Variants in NUMB observed in about 807,000 individuals in gnomAD.
The protein encoded by NUMB is NUMB endocytic adaptor protein, also known as protein numb homolog.
Under a neutral mutation model 59.7 loss-of-function variants are expected in NUMB, and 29 were observed. That is an observed-to-expected ratio of 0.49 (90% CI 0.36 to 0.66). The LOEUF (loss-of-function observed/expected upper bound fraction) is 0.66, where lower values mean the gene tolerates loss of function less well. Ranked by LOEUF, NUMB falls within the 30% of genes least tolerant of loss-of-function variation. The probability of loss-of-function intolerance (pLI) is 0.00; values close to 1 mark genes in which losing one functional copy is unlikely to be tolerated. For synonymous variants in NUMB, 288 were observed against 288.2 expected, an observed-to-expected ratio of 1.00 and a Z score of 0.01; for missense variants, 723 against 822.0, an observed-to-expected ratio of 0.88 and a Z score of 1.47.
chr14:73,445,088 C>T lies in NUMB; in HGVS notation c.-233+13405G>A, dbSNP rs533968957. Among the ~76,000 whole-genome samples, 35 of 152,016 alleles carry T rather than the reference C, an allele frequency of 2.3e-4. No homozygotes were observed. The South Asian group carries it at 7.1e-3, about 31-fold the overall frequency. On this transcript the variant is annotated intron_variant, in intron 1 of 12. Transcript: ENST00000555238. ...TCTAATAGGTTCCCTAGCTATATTT[C>T]ATAATTCAAAAGAATTTAGAGATTA...
chr14:73,380,477 CT>C, intron 2 of NUMB, among the ~76,000 whole-genome samples: 1 of 152,074 alleles, frequency 6.6e-6, no homozygotes, highest in Admixed American at 6.6e-5. Flanking sequence ...TAATGACAAG[CT>C]AGTTCCTACT....
Position 73,284,097 on chromosome 14 carries a change from G to T in NUMB, c.933C>A (p.Phe311Leu), listed in dbSNP as rs147275191. Residue 311 changes from phenylalanine to leucine, a missense_variant, in exon 10 of 13, where the codon TTC becomes TTA. By Grantham distance (22) the Phe-to-Leu change is conservative. Coordinates refer to ENST00000555238, the MANE Select transcript of NUMB (RefSeq NM_001005743.2). Reference sequence around the variant, plus strand: ...CTACATTACCTGCATTTTTAATGGGGAAATCAGTCTTCCTCTGCATAGTGG... The same window carrying T: ...CTACATTACCTGCATTTTTAATGGGTAAATCAGTCTTCCTCTGCATAGTGG... ...LPSTMQRKTD[F>L]PIKNAVPEVE... 6.2e-7 allele frequency: 1 copy of T among 1,613,940 alleles called. No homozygotes were observed. Among genetic ancestry groups the T allele is most frequent in the African/African-American group, 1.3e-5 (1 of 74,932 alleles).
chr14:73,324,940 C>T (rs1022818657), intron 4 of NUMB, among the ~76,000 whole-genome samples: 8 of 152,146 alleles, frequency 5.3e-5, no homozygotes, highest in African/African-American at 1.7e-4. Context: ...ACTGCAATCA[C>T]GCTCTACTAC....
intron 2 of NUMB, among the ~76,000 whole-genome samples, chr14:73,404,725 T>C (rs901701511): frequency 6.6e-6 from 1 of 152,172 alleles, no homozygotes; most frequent in Non-Finnish European, 1.5e-5. Flanking sequence ...TAGGACTTCA[T>C]TTTCATATTT....
intron 1 of NUMB, among the ~76,000 whole-genome samples, chr14:73,420,990 T>A (rs1232961557): frequency 3.3e-5 from 5 of 151,992 alleles, no homozygotes; most frequent in African/African-American, 1.2e-4. Context: ...GGAAAAAAAA[T>A]CTATCTTTAG....
chr14:73,348,669 C>T (rs1252226884), intron 4 of NUMB, among the ~76,000 whole-genome samples: 1 of 152,214 alleles, frequency 6.6e-6, no homozygotes, highest in Non-Finnish European at 1.5e-5. Flanking sequence ...GCCCCCTAAC[C>T]CCAGGCCATG....
intron 1 of NUMB, among the ~76,000 whole-genome samples, chr14:73,411,318 C>T (rs1233981049): frequency 6.7e-6 from 1 of 150,218 alleles, no homozygotes; most frequent in African/African-American, 2.5e-5. Context: ...GTTTTGTAGT[C>T]GTAGGATGAG....
intron 4 of NUMB, among the ~76,000 whole-genome samples, chr14:73,350,056 C>CATAT (rs1337187089): frequency 3.0e-5 from 4 of 132,338 alleles, no homozygotes; most frequent in Admixed American, 2.9e-4. Flanking sequence ...TACATACATA[C>CATAT]ATATATACAT....
chr14:73,372,307 A>ATATATATATATATATATATATAACCTTT (rs1894720462), intron 2 of NUMB, among the ~76,000 whole-genome samples: 1 of 64,064 alleles, frequency 1.6e-5, no homozygotes, highest in African/African-American at 8.7e-5. Context: ...TATTTCTTTT[A>ATATATATATATATATATATATAACCTTT]TATATATATA....
rs185532604 is a variant in NUMB at position 73,297,343 on chromosome 14, T to A, written c.235-58A>T. The A allele has an allele frequency of 2.5e-3, 2,624 of 1,045,124 alleles. 7 individuals carry two copies. Among genetic ancestry groups the A allele is most frequent in the Non-Finnish European group, 3.0e-3 (2,045 of 679,426 alleles). 64.7% of individuals were successfully genotyped at this position (1,045,124 alleles called of 1,614,324 possible). A position where few individuals can be genotyped will look rare whatever the true frequency, so the allele number is the denominator to read the frequency against. On this transcript the variant is annotated intron_variant, in intron 6 of 12. Coordinates refer to ENST00000555238, the MANE Select transcript of NUMB (RefSeq NM_001005743.2). ...ATACACATATATAATATTAAAAAAA[T>A]GTCATCTTCCACAGAAAACACTGAC...
At chr14:73,334,754 G>A (rs1307444212) in intron 4 of NUMB, among the ~76,000 whole-genome samples, 1 of 151,886 alleles carries the variant, frequency 6.6e-6, no homozygotes, top group Non-Finnish European at 1.5e-5. Flanking sequence ...AGACCAACCT[G>A]GCCAACATGG....
intron 2 of NUMB, among the ~76,000 whole-genome samples, chr14:73,371,333 G>T (rs571619976): frequency 2.6e-5 from 4 of 152,092 alleles, no homozygotes; most frequent in Admixed American, 1.3e-4. Context: ...TCAGGAGATC[G>T]AGATCATCCT....
At chr14:73,430,513 A>G (rs901718361) in intron 1 of NUMB, among the ~76,000 whole-genome samples, 1 of 152,096 alleles carries the variant, frequency 6.6e-6, no homozygotes, top group Admixed American at 6.6e-5. Flanking sequence ...ACATGCCTGC[A>G]GTCCCAGCCA....
intron 3 of NUMB, among the ~76,000 whole-genome samples, chr14:73,364,766 C>T (rs919646199): frequency 6.6e-6 from 1 of 151,974 alleles, no homozygotes; most frequent in South Asian, 2.1e-4. Context: ...ATAGCTGGGA[C>T]TACAGGTATG....
intron 1 of NUMB, among the ~76,000 whole-genome samples, chr14:73,429,212 A>T (rs970343789): frequency 6.6e-5 from 10 of 151,852 alleles, no homozygotes; most frequent in Non-Finnish European, 1.3e-4. Flanking sequence ...TCTACTCAAA[A>T]TACAAAAAAA....
chr14:73,276,941 G>A lies in NUMB; in HGVS notation c.1593C>T (p.Pro531=), dbSNP rs771833850. Residue 531 remains proline (P), a synonymous_variant, in exon 13 of 13, where the codon CCC becomes CCT. Transcript: ENST00000555238. ...APNVPVVGIT[P]SQMVANVFGT... ...CAAATACGTTGGCCACCATCTGGGA[G>A]GGAGTGATGCCCACCACAGGCACAT... The A allele has an allele frequency of 6.2e-7, 1 of 1,614,194 alleles. No homozygotes were observed. Among genetic ancestry groups the A allele is most frequent in the Non-Finnish European group, 8.5e-7 (1 of 1,180,048 alleles).
intron 9 of NUMB, chr14:73,286,719 C>T (rs1043670514): frequency 2.4e-5 from 6 of 251,340 alleles, no homozygotes; most frequent in Admixed American, 5.0e-5. Context: ...CATCATAGTC[C>T]GTGGATGCTT....
intron 4 of NUMB, among the ~76,000 whole-genome samples, chr14:73,331,636 C>T (rs1303454397): frequency 6.6e-6 from 1 of 152,154 alleles, no homozygotes; most frequent in Non-Finnish European, 1.5e-5. Flanking sequence ...TTGCAATAAT[C>T]CCCATGCATC....
At chr14:73,342,000 A>C (rs1041945816) in intron 4 of NUMB, among the ~76,000 whole-genome samples, 3 of 152,222 alleles carry the variant, frequency 2.0e-5, no homozygotes, top group African/African-American at 7.2e-5. Flanking sequence ...AGAGTTACTA[A>C]ACGAAGTTGA....
Sources: allele counts gnomAD v4.1 joint callset (sites outside exome capture counted in the v4.1 genomes callset), GRCh38; gene constraint gnomAD v4.1.1; transcripts MANE v1.5; gene names NCBI Gene and HGNC (gene_info 2026-07-23, HGNC 2026-07-21).